FAM135A: variants seen among roughly 807,000 people sequenced by gnomAD.
FAM135A encodes protein FAM135A.
FAM135A carries 79 observed loss-of-function variants against 146.8 expected under a neutral mutation model. The ratio of observed to expected loss-of-function variants is 0.54; its 90% CI spans 0.45 to 0.65. FAM135A has a LOEUF of 0.65. FAM135A is among the 30% of genes least tolerant of loss of function. FAM135A has a pLI of 0.00. For synonymous variants in FAM135A, 562 were observed against 603.6 expected (o/e 0.93, Z 1.01); for missense variants, 1,623 against 1,758.2 (o/e 0.92, Z 1.38).
chr6:70,475,317 T>A (rs1377325942), intron 5 of FAM135A, 93 bp from the exon 6 acceptor site: 83 of 1,026,282 alleles, frequency 8.1e-5, no homozygotes, highest in Non-Finnish European at 1.2e-4. Context: ...TATAGTAATA[T>A]AATCAAACAT....
At position 70,504,547 on chromosome 6, in the gene FAM135A, A is replaced by G. The variant is rs184530368; in HGVS notation, c.1029+1756A>G. 5.3e-5 allele frequency: 8 copies of G among 152,322 alleles called. No individual in the cohort carries two copies. The East Asian group carries it at 1.5e-3, about 29-fold the overall frequency. 9.4% of individuals were successfully genotyped at this position (152,322 alleles called of 1,614,324 possible). On this transcript the variant is annotated intron_variant, in intron 12 of 21. Coordinates refer to ENST00000418814, the MANE Select transcript of FAM135A (RefSeq NM_001162529.3). ...TCGGTGTAAAAGATGGAGATTTTTC[A>G]ATAAATGATGTTTGAGACAATTGGG...
chr6:70,452,130 CATT>C (rs1191901494), intron 4 of FAM135A, among the ~76,000 whole-genome samples: 4 of 151,770 alleles, frequency 2.6e-5, no homozygotes, highest in South Asian at 2.1e-4. Context: ...CTCAAAATTA[CATT>C]ATAAGTAATT....
At chr6:70,487,083 C>CAAAAA (rs34560435) in intron 10 of FAM135A, among the ~76,000 whole-genome samples, 54 of 40,506 alleles carry the variant, frequency 1.3e-3, no homozygotes, top group East Asian at 3.6e-3. Context: ...ACTCCCATCT[C>CAAAAA]AAAAAAAAAA....
At chr6:70,536,823 A>G (rs1410804037) in intron 19 of FAM135A, among the ~76,000 whole-genome samples, 2 of 152,118 alleles carry the variant, frequency 1.3e-5, no homozygotes, top group African/African-American at 4.8e-5. Context: ...GAGATATGAG[A>G]ATATAATTTT....
In FAM135A at chr6:70,525,625, T is replaced by G. The variant is rs775620499; in HGVS notation, c.2541T>G (p.Asp847Glu). The G allele has an allele frequency of 8.3e-5, 134 of 1,613,312 alleles. No individual in the cohort carries two copies. Among genetic ancestry groups the G allele is most frequent in the Non-Finnish European group, 1.1e-4 (129 of 1,179,634 alleles). The change falls in exon 15 of 22, where the codon GAT becomes GAG. Residue 847 changes from aspartate to glutamate, a missense_variant. This residue lies in a region of FAM135A where 1,061 missense variants were observed against 1,113.8 expected (regional missense o/e 0.95). Coordinates refer to ENST00000418814, the MANE Select transcript of FAM135A (RefSeq NM_001162529.3). ...CCATAAACTCTCTACCCTCCGATGA[T>G]GAACTGTCACCTGATGAAAATTCTA... ...LTSINSLPSD[D>E]ELSPDENSKK...
At position 70,560,320 on chromosome 6, in the gene FAM135A, TTTAG is replaced by T. The variant is rs1801686386; in HGVS notation, c.*403_*406del. ...AAATTTTCTAATACTGGGGGTATTA[TTTAG>T]TTAATTATAAATTTTTCTTTTCACA... On this transcript the variant is annotated 3_prime_UTR_variant, in exon 22 of 22. Coordinates refer to ENST00000418814, the MANE Select transcript of FAM135A (RefSeq NM_001162529.3). The T allele has an allele frequency of 6.5e-6, 1 of 153,578 alleles. No individual in the cohort carries two copies. Among genetic ancestry groups the T allele is most frequent in the African/African-American group, 2.4e-5 (1 of 41,480 alleles). The allele number at this position is 153,578 out of a possible 1,614,324, so 9.5% of individuals were successfully genotyped here. A position where few individuals can be genotyped will look rare whatever the true frequency, so the allele number is the denominator to read the frequency against.
At chr6:70,453,459 A>C (rs1408467935) in intron 5 of FAM135A, among the ~76,000 whole-genome samples, 1 of 152,138 alleles carries the variant, frequency 6.6e-6, no homozygotes, top group African/African-American at 2.4e-5. Flanking sequence ...ACATGTGCAC[A>C]ACATGCAGGT....
intron 10 of FAM135A, among the ~76,000 whole-genome samples, chr6:70,490,002 C>T (rs1648385044): frequency 2.0e-5 from 3 of 152,064 alleles, no homozygotes; most frequent in Non-Finnish European, 2.9e-5. Context: ...CGTATCTGGC[C>T]GTCTCCCCAC....
chr6:70,532,600 T>G (rs1796027779), intron 16 of FAM135A, among the ~76,000 whole-genome samples: 1 of 152,130 alleles, frequency 6.6e-6, no homozygotes, highest in Admixed American at 6.5e-5. Context: ...ATAAATACAC[T>G]GTTAGGTAGA....
rs745374625 is a variant in FAM135A at position 70,559,770 on chromosome 6, A to G, written c.4397A>G (p.Lys1466Arg). 6.2e-7 allele frequency: 1 copy of G among 1,614,160 alleles called. No individual in the cohort carries two copies. The highest frequency in any genetic ancestry group is 1.1e-5 in the South Asian group (1 of 91,082). Residue 1466 changes from lysine to arginine, a missense_variant, in exon 22 of 22, where the codon AAG becomes AGG. Lys to Arg is a conservative substitution (Grantham distance 26). Transcript: ENST00000418814. ...HNLLRPVLQS[K>R]DCNLVRYNVI... is the part of the protein sequence containing the mutation. The stretch of plus-strand genomic sequence containing the variant: ...TTGCTTCGACCCGTTCTGCAAAGCA[A>G]GGACTGTAATTTGGTTCGCTATAAT...
chr6:70,417,476 G>A lies in FAM135A; in HGVS notation c.-134+2100G>A. 9.6e-6 allele frequency: 4 copies of A among 418,226 alleles called. No individual in the cohort carries two copies. The South Asian group carries it at 3.0e-4, about 31-fold the overall frequency. The allele number at this position is 418,226 out of a possible 1,614,324, so 25.9% of individuals were successfully genotyped here. On this transcript the variant is annotated intron_variant, in intron 2 of 21. Transcript: ENST00000418814. ...GATTCTCCCGCCTCAGCCACCCAAA[G>A]TGCTGGGATTACAGGCATGAACTAC... is the stretch of plus-strand genomic sequence containing the variant.
Position 70,480,742 on chromosome 6 carries a change from A to T in FAM135A, c.543-159A>T, listed in dbSNP as rs185944967. On this transcript the variant is annotated intron_variant, in intron 8 of 21. Transcript: ENST00000418814. ...ACATTCATTTTATTTTTTCATGATT[A>T]TTCAAATTATTTTTTAAAATTACTT... 3.9e-3 allele frequency among the ~76,000 whole-genome samples: 593 copies of T among 152,308 alleles called. 7 individuals are homozygous for T. The highest frequency in any genetic ancestry group is 0.014 in the African/African-American group (572 of 41,576).
chr6:70,469,779 A>C (rs1781207922), intron 5 of FAM135A, among the ~76,000 whole-genome samples: 1 of 152,180 alleles, frequency 6.6e-6, no homozygotes, highest in African/African-American at 2.4e-5. Flanking sequence ...GAGTAGAACT[A>C]GGAGAGTGTG....
In FAM135A at chr6:70,561,021, G is replaced by C. The variant is rs1801794877; in HGVS notation, c.*1100G>C. On this transcript the variant is annotated 3_prime_UTR_variant, in exon 22 of 22. Coordinates refer to ENST00000418814, the MANE Select transcript of FAM135A (RefSeq NM_001162529.3). ...ACTTGTGAAAATAAAAATGCACTAA[G>C]GTTGGGTAGAAGTTCTGTTTGCACT... 1 of 152,466 alleles carries C rather than the reference G, an allele frequency of 6.6e-6. No homozygotes were observed. The highest frequency in any genetic ancestry group is 2.1e-4 in the South Asian group (1 of 4,818). The allele number at this position is 152,466 out of a possible 1,614,324, so 9.4% of individuals were successfully genotyped here.
At chr6:70,504,521 A>C (rs1789284081) in intron 12 of FAM135A, 1 of 152,186 alleles carries the variant, frequency 6.6e-6, no homozygotes, top group African/African-American at 2.4e-5. Context: ...ACATATGTGG[A>C]TCGGTGTAAA....
intron 12 of FAM135A, chr6:70,503,564 C>G (rs1382676953): frequency 2.0e-5 from 3 of 152,124 alleles, no homozygotes; most frequent in East Asian, 1.9e-4. Context: ...AGAACACTCT[C>G]AATGCTACAG....
chr6:70,461,178 C>CTG (rs1779375432), intron 5 of FAM135A, among the ~76,000 whole-genome samples: 1 of 152,084 alleles, frequency 6.6e-6, no homozygotes, highest in African/African-American at 2.4e-5. Context: ...AGATGCTGCT[C>CTG]TGATGTAGTT....
At chr6:70,463,726 C>T (rs1779863312) in intron 5 of FAM135A, among the ~76,000 whole-genome samples, 1 of 152,116 alleles carries the variant, frequency 6.6e-6, no homozygotes, top group Non-Finnish European at 1.5e-5. Flanking sequence ...TGTCACTAAT[C>T]CTTTACTGTT....
chr6:70,503,750 G>C (rs192570437), intron 12 of FAM135A: 1 of 152,148 alleles, frequency 6.6e-6, no homozygotes, highest in South Asian at 2.1e-4. Context: ...AAATTGTACA[G>C]TAGTATTCTT....
Sources: gnomAD v4.1 joint callset for allele counts (sites outside exome capture counted in the v4.1 genomes callset) on GRCh38, gnomAD v4.1.1 for gene constraint, gnomAD v4.1.1 regional missense constraint, MANE v1.5 for transcripts, NCBI Gene and HGNC (gene_info 2026-07-23, HGNC 2026-07-21) for gene names.